Variants in PPARGC1A observed in about 807,000 individuals in gnomAD.
PPARGC1A encodes the protein PPARG coactivator 1 alpha, also known as peroxisome proliferator-activated receptor gamma coactivator 1-alpha.
A neutral mutation model predicts 88.7 loss-of-function variants in PPARGC1A; 25 were observed. The observed-to-expected ratio is 0.28, with a 90% CI of 0.21 to 0.39. The LOEUF (loss-of-function observed/expected upper bound fraction) is 0.39. Ranked by LOEUF, PPARGC1A falls within the 10% of genes least tolerant of loss-of-function variation. The pLI is 1.00. For missense variants in PPARGC1A, 880 were observed against 968.7 expected, an observed-to-expected ratio of 0.91 and a Z score of 1.22; for synonymous variants, 363 against 355.6, an observed-to-expected ratio of 1.02 and a Z score of -0.24.
chr4:24,086,885 T>G, the PPARGC1A span, among the ~76,000 whole-genome samples: 2 of 152,206 alleles, frequency 1.3e-5, no homozygotes, highest in African/African-American at 4.8e-5. Flanking sequence ...TTATCCCCAT[T>G]TTATAGCTGA....
At chr4:24,176,421 A>T in the PPARGC1A span, among the ~76,000 whole-genome samples, 1 of 152,162 alleles carries the variant, frequency 6.6e-6, no homozygotes, top group Non-Finnish European at 1.5e-5. Context: ...GGGAGGAGAA[A>T]TGGAGGGGCG....
chr4:24,324,812 G>T, the PPARGC1A span, among the ~76,000 whole-genome samples: 9 of 151,750 alleles, frequency 5.9e-5, no homozygotes, highest in Non-Finnish European at 8.8e-5. Context: ...TTTCCCTCCC[G>T]CCTGTCCCCT....
the PPARGC1A span, among the ~76,000 whole-genome samples, chr4:23,928,280 CT>C: frequency 1.3e-5 from 2 of 152,118 alleles, no homozygotes; most frequent in Non-Finnish European, 2.9e-5. Context: ...AAATTATATC[CT>C]AGGCTTCTAG....
chr4:24,418,667 T>C, the PPARGC1A span, among the ~76,000 whole-genome samples: 2 of 152,194 alleles, frequency 1.3e-5, no homozygotes, highest in Non-Finnish European at 2.9e-5. Flanking sequence ...ATTTCAAAGA[T>C]CTATTCTAAA....
chr4:24,419,756 T>C, the PPARGC1A span, among the ~76,000 whole-genome samples: 2 of 152,088 alleles, frequency 1.3e-5, no homozygotes, highest in African/African-American at 4.8e-5. Flanking sequence ...ATCAGGGTTC[T>C]ATCACATTCA....
At chr4:24,242,020 G>A in the PPARGC1A span, among the ~76,000 whole-genome samples, 1 of 152,126 alleles carries the variant, frequency 6.6e-6, no homozygotes, top group Admixed American at 6.5e-5. Context: ...GCTGTGCCCT[G>A]CTAGAACCCA....
chr4:24,058,105 T>A, the PPARGC1A span, among the ~76,000 whole-genome samples: 2 of 152,168 alleles, frequency 1.3e-5, no homozygotes, highest in Non-Finnish European at 2.9e-5. Flanking sequence ...GCCAATAGCA[T>A]CTTCACGTGG....
At chr4:24,244,294 A>G in the PPARGC1A span, among the ~76,000 whole-genome samples, 1 of 152,204 alleles carries the variant, frequency 6.6e-6, no homozygotes, top group African/African-American at 2.4e-5. Flanking sequence ...ATTTCTCTAC[A>G]TGTTAAAGTT....
the PPARGC1A span, among the ~76,000 whole-genome samples, chr4:24,258,558 T>C: frequency 6.6e-6 from 1 of 152,208 alleles, no homozygotes; most frequent in Non-Finnish European, 1.5e-5. Context: ...ACCAATATTC[T>C]TTTAATACTA....
the PPARGC1A span, among the ~76,000 whole-genome samples, chr4:23,970,145 T>C: frequency 1.3e-5 from 2 of 152,218 alleles, no homozygotes; most frequent in Non-Finnish European, 2.9e-5. Flanking sequence ...TTACTAGCTA[T>C]GCTTTACCTC....
the PPARGC1A span, among the ~76,000 whole-genome samples, chr4:24,018,203 C>A: frequency 1.3e-5 from 2 of 152,284 alleles, no homozygotes; most frequent in East Asian, 3.9e-4. Context: ...TTTACAAAAT[C>A]CGTTGGGATT....
At chr4:24,363,520 CA>C in the PPARGC1A span, among the ~76,000 whole-genome samples, 1 of 152,002 alleles carries the variant, frequency 6.6e-6, no homozygotes, top group African/African-American at 2.4e-5. Flanking sequence ...CACTTAGTGC[CA>C]AAAAACACAG....
chr4:23,801,919 A>G (rs1272462843), intron 11 of PPARGC1A, 38 bp from the exon 12 acceptor site: 3 of 1,610,902 alleles, frequency 1.9e-6, no homozygotes, highest in Admixed American at 1.7e-5. Context: ...CTGGTTAAGA[A>G]GTATTAGTAT....
At chr4:24,370,088 C>T in the PPARGC1A span, among the ~76,000 whole-genome samples, 2 of 152,238 alleles carry the variant, frequency 1.3e-5, no homozygotes, top group South Asian at 4.1e-4. Context: ...GGCTCACAGC[C>T]TTCAGCAGGC....
the PPARGC1A span, among the ~76,000 whole-genome samples, chr4:23,973,531 C>T: frequency 3.9e-5 from 6 of 152,138 alleles, no homozygotes; most frequent in African/African-American, 7.2e-5. Context: ...TGTTTGATGT[C>T]TATTTATATG....
chr4:24,095,650 C>T, the PPARGC1A span, among the ~76,000 whole-genome samples: 207 of 152,196 alleles, frequency 1.4e-3, 1 homozygote, highest in African/African-American at 4.7e-3. Context: ...TGTCCTAGTC[C>T]ACTTGTGCTG....
At chr4:23,808,173 C>G (rs900402820) in intron 10 of PPARGC1A, among the ~76,000 whole-genome samples, 3 of 150,982 alleles carry the variant, frequency 2.0e-5, no homozygotes, top group African/African-American at 7.3e-5. Flanking sequence ...ATGGCGTGAA[C>G]CCAGGAGGCG....
chr4:24,319,877 G>C, the PPARGC1A span, among the ~76,000 whole-genome samples: 40,218 of 151,990 alleles, frequency 0.26, 5,594 homozygotes, highest in African/African-American at 0.35. Flanking sequence ...GAATGTTTCT[G>C]ATTTCATAGT....
chr4:24,344,105 A>T, the PPARGC1A span, among the ~76,000 whole-genome samples: 1 of 416 alleles, frequency 2.4e-3, no homozygotes, highest in South Asian at 0.17. Context: ...GTATTCCATT[A>T]TATATATATA....
Sources: gnomAD v4.1 joint callset for allele counts (sites outside exome capture counted in the v4.1 genomes callset) on GRCh38, gnomAD v4.1.1 for gene constraint, MANE v1.5 for transcripts, NCBI Gene and HGNC (gene_info 2026-07-23, HGNC 2026-07-21) for gene names.